The following PIAS4 variants were observed in gnomAD, a reference collection of about 807,000 sequenced individuals.
PIAS4 encodes the protein protein inhibitor of activated STAT 4.
In PIAS4, 7 loss-of-function variants were observed where a neutral mutation model predicts 58.0. That is an observed-to-expected ratio of 0.12 (90% CI 0.07 to 0.23). The LOEUF is 0.23. Ranked by LOEUF, PIAS4 falls within the 10% of genes least tolerant of loss-of-function variation. PIAS4 has a pLI of 1.00. For missense variants in PIAS4, 550 were observed against 709.5 expected, an observed-to-expected ratio of 0.78 and a Z score of 2.55; for synonymous variants, 364 against 312.4, an observed-to-expected ratio of 1.17 and a Z score of -1.74.
At chr19:4,022,219 T>C (rs1180283925) in intron 2 of PIAS4, among the ~76,000 whole-genome samples, 1 of 152,234 alleles carries the variant, frequency 6.6e-6, no homozygotes, top group Non-Finnish European at 1.5e-5. Flanking sequence ...GTTTCACCTT[T>C]TATTCCCCTA....
intron 7 of PIAS4, among the ~76,000 whole-genome samples, chr19:4,030,021 A>G (rs2040207960): frequency 6.6e-6 from 1 of 151,374 alleles, no homozygotes; most frequent in African/African-American, 2.4e-5. Context: ...ACGGGGTTTC[A>G]CCTTGTTAGC....
At chr19:4,018,944 G>A (rs113190552) in intron 2 of PIAS4, among the ~76,000 whole-genome samples, 5 of 152,138 alleles carry the variant, frequency 3.3e-5, no homozygotes, top group African/African-American at 7.2e-5. Context: ...GGTGGTGGCC[G>A]TGTGTGCGCC....
At chr19:4,036,859 CCA>C (rs2040301457) in intron 9 of PIAS4, among the ~76,000 whole-genome samples, 1 of 148,448 alleles carries the variant, frequency 6.7e-6, no homozygotes, top group Non-Finnish European at 1.5e-5. Context: ...CACCCGCATG[CCA>C]CACATCCATA....
At chr19:4,022,969 C>T (rs1038683179) in intron 2 of PIAS4, among the ~76,000 whole-genome samples, 4 of 151,270 alleles carry the variant, frequency 2.6e-5, no homozygotes, top group Admixed American at 6.6e-5. Context: ...GTCGGGAGTT[C>T]GAGAGCAGCC....
At chr19:4,031,078 TCCAGCTGCCCCTC>T (rs931701389) in intron 7 of PIAS4, among the ~76,000 whole-genome samples, 38 of 152,228 alleles carry the variant, frequency 2.5e-4, no homozygotes, top group African/African-American at 8.9e-4. Context: ...CAGAGGGTCT[TCCAGCTGCCCCTC>T]CTAGCTGCCC....
At chr19:4,035,549 C>T (rs1032825567) in intron 9 of PIAS4, among the ~76,000 whole-genome samples, 1 of 152,106 alleles carries the variant, frequency 6.6e-6, no homozygotes, top group Non-Finnish European at 1.5e-5. Context: ...TGGGGGTGCT[C>T]TGGAGAGGCT....
Position 4,013,403 on chromosome 19 carries a change from G to A in PIAS4, c.454+54G>A, listed in dbSNP as rs2040019139. On this transcript the variant is annotated intron_variant, in intron 2 of 10. Transcript: ENST00000262971. The surrounding 1 kb of genome is among the most constrained non-coding windows in gnomAD (Gnocchi z 5.1). ...CTGGAGGCTTCACCTAGGCCCCGTC[G>A]CCCAGCCCAGCCCAGCCACACAGCC... is the stretch of plus-strand genomic sequence containing the variant. 5 of 1,426,070 alleles carry A rather than the reference G, an allele frequency of 3.5e-6. No individual in the cohort carries two copies. Among genetic ancestry groups the A allele is most frequent in the Admixed American group, 3.7e-5 (2 of 54,362 alleles). The allele number at this position is 1,426,070 out of a possible 1,614,324, so 88.3% of individuals were successfully genotyped here. A position where few individuals can be genotyped will look rare whatever the true frequency, so the allele number is the denominator to read the frequency against.
chr19:4,037,500 G>A lies in PIAS4; in HGVS notation c.1269G>A (p.Val423=). 6.2e-7 allele frequency: 1 copy of A among 1,610,106 alleles called. No homozygotes were observed. Among genetic ancestry groups the A allele is most frequent in the Non-Finnish European group, 8.5e-7 (1 of 1,179,522 alleles). Reference sequence around the variant, plus strand: ...GCAGCCCGCAGGGCGCCATCCTCGTGCTGGGTGAGTGCCTCACCCCACCAG... The same window carrying A: ...GCAGCCCGCAGGGCGCCATCCTCGTACTGGGTGAGTGCCTCACCCCACCAG... ...RSCSPQGAIL[V]LGPSDANGLL... is the part of the protein sequence containing the mutation. The change falls in exon 10 of 11, where the codon GTG becomes GTA. Residue 423 remains valine, a synonymous_variant. Transcript: ENST00000262971. This position sits in a 1 kb window ranked among gnomAD's most constrained non-coding sequence, Gnocchi z 5.8.
chr19:4,036,890 G>A (rs2040302055), intron 9 of PIAS4, among the ~76,000 whole-genome samples: 1 of 151,432 alleles, frequency 6.6e-6, no homozygotes, highest in South Asian at 2.1e-4. Context: ...ATTCACGTAT[G>A]CCCATATGCA....
At chr19:4,035,267 G>C (rs1388788301) in intron 9 of PIAS4, among the ~76,000 whole-genome samples, 3 of 152,138 alleles carry the variant, frequency 2.0e-5, no homozygotes, top group Admixed American at 2.0e-4. Flanking sequence ...CCTGGGAGCA[G>C]CTGTAGCCTT....
chr19:4,038,919 C>T lies in PIAS4; in HGVS notation c.*1044C>T, dbSNP rs1029205387. On this transcript the variant is annotated 3_prime_UTR_variant, in exon 11 of 11. Transcript: ENST00000262971. The surrounding 1 kb of genome is among the most constrained non-coding windows in gnomAD (Gnocchi z 4.1). ...CCTCACTCTTCCAGCAGGACCAGACCAGGGGCCTCCTTCCTGTCCCCAGGC... is the reference window on the plus strand; with the variant it reads ...CCTCACTCTTCCAGCAGGACCAGACTAGGGGCCTCCTTCCTGTCCCCAGGC... 2.0e-5 allele frequency: 3 copies of T among 152,512 alleles called. No individual in the cohort carries two copies. The highest frequency in any genetic ancestry group is 7.2e-5 in the African/African-American group (3 of 41,464). 9.4% of individuals were successfully genotyped at this position (152,512 alleles called of 1,614,324 possible). A position where few individuals can be genotyped will look rare whatever the true frequency, so the allele number is the denominator to read the frequency against.
chr19:4,028,229 G>GCCCCCCCCCC, intron 4 of PIAS4, 42 bp downstream of exon 4: 1 of 1,076,732 alleles, frequency 9.3e-7, no homozygotes, highest in Non-Finnish European at 1.2e-6. Flanking sequence ...TGGACCCCCA[G>GCCCCCCCCCC]CCACCCGCCC....
intron 9 of PIAS4, among the ~76,000 whole-genome samples, chr19:4,035,870 C>CCACACCATAACACACACACCCGCACACA (rs2040271728): frequency 2.1e-4 from 1 of 4,786 alleles, no homozygotes; most frequent in Non-Finnish European, 6.2e-4. Flanking sequence ...TCCACACCGT[C>CCACACCATAACACACACACCCGCACACA]TCACACACAC....
At chr19:4,016,521 C>T (rs1022084632) in intron 2 of PIAS4, among the ~76,000 whole-genome samples, 3 of 152,236 alleles carry the variant, frequency 2.0e-5, no homozygotes, top group African/African-American at 7.2e-5. Flanking sequence ...AGCGTGGTCC[C>T]TGCTCAGGTG....
chr19:4,033,143 C>T lies in PIAS4; in HGVS notation c.951C>T (p.Thr317=), dbSNP rs758937251. ...TTGATCCTGACAGCGAGATCGCCAC[C>T]ACCGGTGTGCGGGTGTCCCTCATCT... ...LRLDPDSEIA[T]TGVRVSLICP... The change falls in exon 8 of 11, where the codon ACC becomes ACT. Residue 317 remains threonine, a synonymous_variant. Transcript: ENST00000262971. 14 of 1,611,202 alleles carry T rather than the reference C, an allele frequency of 8.7e-6. No individual in the cohort carries two copies. The highest frequency in any genetic ancestry group is 1.1e-5 in the Non-Finnish European group (13 of 1,179,792).
At chr19:4,015,129 C>G (rs979296717) in intron 2 of PIAS4, among the ~76,000 whole-genome samples, 1 of 152,226 alleles carries the variant, frequency 6.6e-6, no homozygotes, top group Non-Finnish European at 1.5e-5. Flanking sequence ...TTCCATCGGA[C>G]TGACTTTCCC....
chr19:4,025,015 C>G (rs2040148521), intron 3 of PIAS4, among the ~76,000 whole-genome samples: 1 of 152,246 alleles, frequency 6.6e-6, no homozygotes, highest in Non-Finnish European at 1.5e-5. Context: ...TCACCCACCT[C>G]AGCCTCCCAG....
At chr19:4,008,227 G>A (rs1372605745) in intron 1 of PIAS4, among the ~76,000 whole-genome samples, 2 of 152,180 alleles carry the variant, frequency 1.3e-5, no homozygotes, top group East Asian at 3.9e-4. Flanking sequence ...CCCGCCCACA[G>A]GGCTCCCAGG....
intron 1 of PIAS4, among the ~76,000 whole-genome samples, chr19:4,009,968 C>T (rs904250513): frequency 6.6e-6 from 1 of 152,174 alleles, no homozygotes; most frequent in Non-Finnish European, 1.5e-5. Flanking sequence ...GAGCTACCCC[C>T]GGTGCTCTGA....
Sources: allele counts gnomAD v4.1 joint callset (sites outside exome capture counted in the v4.1 genomes callset), GRCh38; gene constraint gnomAD v4.1.1; non-coding constraint Gnocchi (gnomAD v3.1); transcripts MANE v1.5; gene names NCBI Gene and HGNC (gene_info 2026-07-23, HGNC 2026-07-21).